Variants in NPAS3 observed in about 807,000 individuals in gnomAD.
NPAS3 encodes the protein neuronal PAS domain protein 3.
NPAS3 carries 14 observed loss-of-function variants against 73.1 expected under a neutral mutation model. That is an observed-to-expected ratio of 0.19 (90% confidence interval 0.13 to 0.30). The LOEUF is 0.30. Among genes scored for constraint, NPAS3 ranks in the 10% least tolerant of loss-of-function variants. The pLI, the probability that NPAS3 is intolerant of heterozygous loss-of-function variation, is 1.00. For synonymous variants in NPAS3, 620 were observed against 541.5 expected, an observed-to-expected ratio of 1.14 and a Z score of -2.01; for missense variants, 1,096 against 1,250.0, an observed-to-expected ratio of 0.88 and a Z score of 1.86.
At chr14:33,752,014 C>T (rs1354305870) in intron 7 of NPAS3, among the ~76,000 whole-genome samples, 1 of 151,996 alleles carries the variant, frequency 6.6e-6, no homozygotes, top group Non-Finnish European at 1.5e-5. Flanking sequence ...AAAATTTCAC[C>T]CCTTTCTCTC....
intron 1 of NPAS3, among the ~76,000 whole-genome samples, chr14:32,951,370 A>G (rs372600454): frequency 1.3e-4 from 20 of 152,228 alleles, no homozygotes; most frequent in South Asian, 6.2e-4. Context: ...TAAATTTTTT[A>G]TGTCAAATAT....
At chr14:33,141,800 A>G (rs2044056173) in intron 2 of NPAS3, among the ~76,000 whole-genome samples, 1 of 152,156 alleles carries the variant, frequency 6.6e-6, no homozygotes. Context: ...TAGAATTGGG[A>G]TGAAGGATGT....
intron 2 of NPAS3, among the ~76,000 whole-genome samples, chr14:33,067,282 T>C (rs775550608): frequency 6.6e-6 from 1 of 152,186 alleles, no homozygotes; most frequent in Non-Finnish European, 1.5e-5. Context: ...CTTGAAGCCA[T>C]GCCCATAGAA....
Position 33,388,427 on chromosome 14 carries a change from C to T in NPAS3, c.468+21159C>T, listed in dbSNP as rs77515365. On this transcript the variant is annotated intron_variant, in intron 4 of 11. Transcript: ENST00000356141. ...CAGTGCTTAGGATTTGGGCTTTACC[C>T]CCAGGGAAATAGGCACTCGTGAAAA... Among the ~76,000 whole-genome samples the T allele has an allele frequency of 3.1e-3, 463 of 151,368 alleles. 2 individuals carry two copies. The highest frequency in any genetic ancestry group is 0.01 in the African/African-American group (424 of 41,226).
intron 4 of NPAS3, among the ~76,000 whole-genome samples, chr14:33,494,256 A>G (rs1242986614): frequency 6.6e-6 from 1 of 152,136 alleles, no homozygotes; most frequent in East Asian, 1.9e-4. Flanking sequence ...CTTTAGAGAA[A>G]CATTTAAAGT....
At chr14:33,191,778 G>A (rs1254601505) in intron 2 of NPAS3, among the ~76,000 whole-genome samples, 1 of 152,202 alleles carries the variant, frequency 6.6e-6, no homozygotes, top group African/African-American at 2.4e-5. Context: ...TGTAGCTAGA[G>A]ATACTTATGA....
At chr14:33,044,019 T>C (rs2040425186) in intron 1 of NPAS3, among the ~76,000 whole-genome samples, 1 of 152,198 alleles carries the variant, frequency 6.6e-6, no homozygotes, top group African/African-American at 2.4e-5. Context: ...TATTTGTTCA[T>C]AGAGTGAAAT....
At chr14:33,737,111 G>A (rs1468738939) in intron 7 of NPAS3, among the ~76,000 whole-genome samples, 3 of 152,152 alleles carry the variant, frequency 2.0e-5, no homozygotes, top group Admixed American at 6.5e-5. Flanking sequence ...TTTGAACCTG[G>A]GGAGTCCAGC....
chr14:33,502,018 T>C (rs916253738), intron 4 of NPAS3, among the ~76,000 whole-genome samples: 28 of 151,914 alleles, frequency 1.8e-4, no homozygotes, highest in African/African-American at 6.5e-4. Flanking sequence ...TTGCTCCCCA[T>C]CCAAAAATTA....
At chr14:33,519,595 C>T (rs1051558125) in intron 4 of NPAS3, among the ~76,000 whole-genome samples, 4 of 151,960 alleles carry the variant, frequency 2.6e-5, no homozygotes, top group East Asian at 1.9e-4. Context: ...CCTCGGTCTG[C>T]GCATATGTAA....
intron 2 of NPAS3, among the ~76,000 whole-genome samples, chr14:33,182,011 C>T (rs945435418): frequency 1.3e-5 from 2 of 152,208 alleles, no homozygotes; most frequent in South Asian, 2.1e-4. Flanking sequence ...ATTTTTTCTC[C>T]AAGTATTATA....
rs141652183 is a variant in NPAS3, at chr14:33,479,710, T to C, written c.469-80411T>C. On this transcript the variant is annotated intron_variant, in intron 4 of 11. Coordinates refer to ENST00000356141, the Ensembl canonical transcript of NPAS3. ...ATCTTAGCAAGCGCCAATCAATATT[T>C]CTTGATCTCCAATTTTGTGCAAAAC... Among the ~76,000 whole-genome samples the C allele has an allele frequency of 3.7e-4, 56 of 152,278 alleles. 2 individuals are homozygous for C. The highest frequency in any genetic ancestry group is 1.3e-3 in the African/African-American group (54 of 41,558).
chr14:33,782,032 C>T (rs1279791266), intron 9 of NPAS3, among the ~76,000 whole-genome samples: 1 of 152,198 alleles, frequency 6.6e-6, no homozygotes, highest in Non-Finnish European at 1.5e-5. Flanking sequence ...ATTATTGACG[C>T]CAACATGGTA....
chr14:33,676,434 AAAT>A, intron 6 of NPAS3, 49 bp downstream of exon 6: 1 of 1,481,120 alleles, frequency 6.8e-7, no homozygotes, highest in East Asian at 2.4e-5. Flanking sequence ...GACCTTTGCC[AAAT>A]GAGTGTGCTC....
At chr14:32,966,442 A>G (rs1012837169) in intron 1 of NPAS3, among the ~76,000 whole-genome samples, 8 of 152,208 alleles carry the variant, frequency 5.3e-5, no homozygotes, top group South Asian at 2.1e-4. Flanking sequence ...AAGAATACAC[A>G]TTAGGAAAAG....
chr14:33,052,467 A>G (rs1346607636), intron 1 of NPAS3, among the ~76,000 whole-genome samples: 2 of 152,200 alleles, frequency 1.3e-5, no homozygotes, highest in East Asian at 3.9e-4. Flanking sequence ...TACTCATCCT[A>G]TTGTCTTAAA....
intron 5 of NPAS3, among the ~76,000 whole-genome samples, chr14:33,674,505 T>TTAC (rs2059701197): frequency 6.6e-6 from 1 of 152,228 alleles, no homozygotes; most frequent in Admixed American, 6.5e-5. Context: ...TACCCATTTA[T>TTAC]TACTGTGTGA....
At chr14:32,947,259 G>A (rs1399220026) in intron 1 of NPAS3, among the ~76,000 whole-genome samples, 3 of 152,048 alleles carry the variant, frequency 2.0e-5, no homozygotes, top group African/African-American at 2.4e-5. Context: ...GTAACACTGC[G>A]GAAAAGGATG....
intron 2 of NPAS3, among the ~76,000 whole-genome samples, chr14:33,148,567 G>C (rs1398446594): frequency 2.0e-5 from 3 of 152,056 alleles, no homozygotes; most frequent in Non-Finnish European, 4.4e-5. Context: ...ACAATATTTT[G>C]GACAGATTGT....
Sources: gnomAD v4.1 joint callset for allele counts (sites outside exome capture counted in the v4.1 genomes callset) on GRCh38, gnomAD v4.1.1 for gene constraint, MANE v1.5 for transcripts, NCBI Gene and HGNC (gene_info 2026-07-23, HGNC 2026-07-21) for gene names.